Variants in CEP112 observed in about 807,000 individuals in gnomAD.
CEP112 encodes centrosomal protein 112, also known as centrosomal protein of 112 kDa.
Under a neutral mutation model 153.0 loss-of-function variants are expected in CEP112, and 127 were observed. The ratio of observed to expected loss-of-function variants is 0.83; its 90% CI spans 0.72 to 0.96. CEP112 has a LOEUF of 0.96. CEP112 is among the 40% of genes least tolerant of loss of function. The pLI, the probability that CEP112 is intolerant of heterozygous loss-of-function variation, is 0.00. For missense variants in CEP112, 1,089 were observed against 1,101.2 expected (o/e 0.99, Z 0.16); for synonymous variants, 358 against 374.4 (o/e 0.96, Z 0.51).
intron 24 of CEP112, among the ~76,000 whole-genome samples, chr17:65,667,611 A>G (rs1415636292): frequency 6.6e-6 from 1 of 152,164 alleles, no homozygotes; most frequent in Non-Finnish European, 1.5e-5. Context: ...AATCTCTCAT[A>G]GAGGCTAAAA....
chr17:66,189,445 A>C (rs1304029191), intron 1 of CEP112, among the ~76,000 whole-genome samples: 1 of 151,724 alleles, frequency 6.6e-6, no homozygotes, highest in Non-Finnish European at 1.5e-5. Context: ...CGGAGTTTGC[A>C]GTGAGCTGAG....
chr17:66,045,811 G>GA (rs1342569578), intron 12 of CEP112, among the ~76,000 whole-genome samples: 1 of 152,054 alleles, frequency 6.6e-6, no homozygotes, highest in Non-Finnish European at 1.5e-5. Context: ...CTCAAAGTTT[G>GA]GTCAACAAAC....
chr17:65,635,543 G>A lies in CEP112; in HGVS notation c.*428C>T, dbSNP rs1004933087. 3.5e-5 allele frequency: 6 copies of A among 173,906 alleles called. No individual in the cohort carries two copies. Among genetic ancestry groups the A allele is most frequent in the Non-Finnish European group, 6.0e-5 (5 of 83,176 alleles). 10.8% of individuals were successfully genotyped at this position (173,906 alleles called of 1,614,324 possible). A position where few individuals can be genotyped will look rare whatever the true frequency, so the allele number is the denominator to read the frequency against. ...TAAAAAGTAGAAATAAAACTGGTAA[G>A]TACAAAATAATATTTTAATAACATA... On this transcript the variant is annotated 3_prime_UTR_variant, in exon 27 of 27. Transcript: ENST00000535342.
At chr17:65,969,702 G>T (rs529544397) in intron 17 of CEP112, among the ~76,000 whole-genome samples, 1 of 152,198 alleles carries the variant, frequency 6.6e-6, no homozygotes, top group Admixed American at 6.5e-5. Context: ...CATATTACAC[G>T]CATACAGGAA....
intron 1 of CEP112, among the ~76,000 whole-genome samples, chr17:66,184,891 A>C (rs1166334613): frequency 6.6e-6 from 1 of 152,232 alleles, no homozygotes; most frequent in Non-Finnish European, 1.5e-5. Context: ...ACAATAACAT[A>C]GTACTCAGCA....
chr17:65,867,424 A>G (rs1282649644), intron 20 of CEP112, among the ~76,000 whole-genome samples: 1 of 152,242 alleles, frequency 6.6e-6, no homozygotes, highest in Admixed American at 6.5e-5. Flanking sequence ...TGGTGAAGCA[A>G]CACCCCAAGG....
chr17:65,988,740 A>C (rs896132223), intron 17 of CEP112, among the ~76,000 whole-genome samples: 16 of 152,176 alleles, frequency 1.1e-4, no homozygotes, highest in Non-Finnish European at 1.8e-4. Context: ...GAAAAAAGAA[A>C]AAAGAATGAG....
At chr17:65,899,506 C>T (rs888490745) in intron 20 of CEP112, among the ~76,000 whole-genome samples, 1 of 152,012 alleles carries the variant, frequency 6.6e-6, no homozygotes, top group Admixed American at 6.6e-5. Flanking sequence ...ATTAGAATAA[C>T]AACCTATAAT....
At chr17:66,062,547 A>C (rs1052515515) in intron 11 of CEP112, among the ~76,000 whole-genome samples, 2 of 152,134 alleles carry the variant, frequency 1.3e-5, no homozygotes, top group Non-Finnish European at 2.9e-5. Flanking sequence ...TCAATCAAAA[A>C]TAAAATAAGT....
intron 8 of CEP112, among the ~76,000 whole-genome samples, chr17:66,081,791 T>A (rs762412599): frequency 6.6e-6 from 1 of 152,120 alleles, no homozygotes; most frequent in Non-Finnish European, 1.5e-5. Context: ...GGCACGCATC[T>A]GTAGTCCCAG....
At chr17:65,884,858 C>T (rs1326030524) in intron 20 of CEP112, among the ~76,000 whole-genome samples, 3 of 151,768 alleles carry the variant, frequency 2.0e-5, no homozygotes, top group Admixed American at 6.6e-5. Context: ...GCTGGGATTA[C>T]AGGCATGTGC....
At position 65,945,517 on chromosome 17, in the gene CEP112, C is replaced by T. The variant is rs551528863; in HGVS notation, c.1872+15946G>A. Among the ~76,000 whole-genome samples, 3 of 152,292 alleles carry T rather than the reference C, an allele frequency of 2.0e-5. 1 individual carries two copies. The South Asian group carries it at 6.2e-4, about 32-fold the overall frequency. ...TCATATTAGTAGTATACATCAGTTTCATTGTTCCACCATTCTTGTAAACAC... is the reference window on the plus strand; with the variant it reads ...TCATATTAGTAGTATACATCAGTTTTATTGTTCCACCATTCTTGTAAACAC... On this transcript the variant is annotated intron_variant, in intron 18 of 26. Coordinates refer to ENST00000535342, the MANE Select transcript of CEP112 (RefSeq NM_001199165.4).
intron 20 of CEP112, among the ~76,000 whole-genome samples, chr17:65,892,771 C>A (rs2059516726): frequency 6.6e-6 from 1 of 152,152 alleles, no homozygotes; most frequent in South Asian, 2.1e-4. Context: ...CTCCACTTCT[C>A]TTGTTGTGCC....
At chr17:65,661,742 T>C (rs1463081543) in intron 24 of CEP112, 3 of 152,300 alleles carry the variant, frequency 2.0e-5, no homozygotes, top group Non-Finnish European at 2.9e-5. Context: ...TAACCTATTA[T>C]GTAGGCTGGA....
intron 21 of CEP112, among the ~76,000 whole-genome samples, chr17:65,768,920 G>C (rs181475152): frequency 3.4e-4 from 52 of 152,154 alleles, no homozygotes; most frequent in Admixed American, 3.3e-3. Flanking sequence ...CAGAGTACTG[G>C]AGGTGCTATC....
At chr17:66,080,452 A>T (rs981991189) in intron 8 of CEP112, among the ~76,000 whole-genome samples, 1 of 152,236 alleles carries the variant, frequency 6.6e-6, no homozygotes, top group African/African-American at 2.4e-5. Context: ...GCAAATTAAA[A>T]CTACAAGGAG....
chr17:65,862,960 G>A (rs1340939870), intron 20 of CEP112, among the ~76,000 whole-genome samples: 2 of 151,824 alleles, frequency 1.3e-5, no homozygotes, highest in Non-Finnish European at 2.9e-5. Flanking sequence ...CTTTTGTTTA[G>A]TATTTAATAA....
chr17:65,905,831 G>C (rs1233960252), intron 19 of CEP112, among the ~76,000 whole-genome samples: 1 of 151,876 alleles, frequency 6.6e-6, no homozygotes, highest in Non-Finnish European at 1.5e-5. Context: ...TGTAGTCCTA[G>C]CTACTTGGGA....
chr17:65,727,872 A>C (rs1360859286), intron 23 of CEP112, among the ~76,000 whole-genome samples: 1 of 152,224 alleles, frequency 6.6e-6, no homozygotes, highest in African/African-American at 2.4e-5. Flanking sequence ...AAGGAGAAGC[A>C]AAGCCCAGGA....
Sources: allele counts gnomAD v4.1 joint callset (sites outside exome capture counted in the v4.1 genomes callset), GRCh38; gene constraint gnomAD v4.1.1; transcripts MANE v1.5; gene names NCBI Gene and HGNC (gene_info 2026-07-23, HGNC 2026-07-21).